The following TMEM70 variants were observed in gnomAD, a reference collection of about 807,000 sequenced individuals.
TMEM70 encodes the protein transmembrane protein 70, mitochondrial.
In TMEM70, 15 loss-of-function variants were observed where a neutral mutation model predicts 20.5. That is an observed-to-expected ratio of 0.73 (90% CI 0.49 to 1.13). The LOEUF is 1.13. Among genes scored for constraint, TMEM70 ranks in the 50% most tolerant of loss-of-function variants. TMEM70 has a pLI of 0.00. For synonymous variants in TMEM70, 141 were observed against 134.2 expected, an observed-to-expected ratio of 1.05 and a Z score of -0.35; for missense variants, 344 against 331.7, an observed-to-expected ratio of 1.04 and a Z score of -0.29.
Position 73,976,471 on chromosome 8 carries a change from C to A in TMEM70, c.190C>A (p.Arg64=). ...TGPSGAARLL[R]RPGRAQIPVY... Reference sequence around the variant, plus strand: ...GCCTTCGGGAGCCGCGCGCCTTCTCCGGCGTCCGGGTCGAGCGCAGGTAGG... The same window carrying A: ...GCCTTCGGGAGCCGCGCGCCTTCTCAGGCGTCCGGGTCGAGCGCAGGTAGG... Residue 64 remains arginine (R), a synonymous_variant, in exon 1 of 3, where the codon CGG becomes AGG. Transcript: ENST00000312184. 5 of 1,542,818 alleles carry A rather than the reference C, an allele frequency of 3.2e-6. No homozygotes were observed. The highest frequency in any genetic ancestry group is 3.5e-6 in the Non-Finnish European group (4 of 1,150,572).
At position 73,982,349 on chromosome 8, in the gene TMEM70, G is replaced by T; in HGVS notation, c.*728G>T. ...TTACGGTGAAGGTTCTAAGGCATGG[G>T]ATCGTTTCCAGATGAGAATCCACAA... On this transcript the variant is annotated 3_prime_UTR_variant, in exon 3 of 3. Coordinates refer to ENST00000312184, the MANE Select transcript of TMEM70 (RefSeq NM_017866.6). The T allele has an allele frequency of 1.4e-6, 1 of 705,402 alleles. No homozygotes were observed. The allele number at this position is 705,402 out of a possible 1,614,324, so 43.7% of individuals were successfully genotyped here.
intron 2 of TMEM70, 172 bp downstream of exon 2, chr8:73,979,033 C>A: frequency 1.2e-6 from 1 of 806,608 alleles, no homozygotes; most frequent in Non-Finnish European, 2.0e-6. Context: ...GAGACCTTTG[C>A]ATTTTTAGAT....
chr8:73,981,666 T>C lies in TMEM70; in HGVS notation c.*45T>C, dbSNP rs1383939961. On this transcript the variant is annotated 3_prime_UTR_variant, in exon 3 of 3. Transcript: ENST00000312184. The stretch of plus-strand genomic sequence containing the variant: ...TGCTCAAATGTGATTTACGTTTTAA[T>C]GTATAATAATAAAATTGCCTTTTGC... 2.9e-6 allele frequency: 4 copies of C among 1,367,654 alleles called. No homozygotes were observed. The highest frequency in any genetic ancestry group is 4.1e-6 in the Non-Finnish European group (4 of 972,512). 84.7% of individuals were successfully genotyped at this position (1,367,654 alleles called of 1,614,324 possible). A position where few individuals can be genotyped will look rare whatever the true frequency, so the allele number is the denominator to read the frequency against.
Position 73,981,209 on chromosome 8 carries a change from A to G in TMEM70, c.371A>G (p.Tyr124Cys), listed in dbSNP as rs1489913650. 2 of 1,614,168 alleles carry G rather than the reference A, an allele frequency of 1.2e-6. No homozygotes were observed. Among genetic ancestry groups the G allele is most frequent in the South Asian group, 2.2e-5 (2 of 91,088 alleles). The change falls in exon 3 of 3, where the codon TAC becomes TGC. Residue 124 changes from tyrosine to cysteine, a missense_variant. By Grantham distance (194) the Tyr-to-Cys change is radical (BLOSUM62 -2). Transcript: ENST00000312184. The part of the protein sequence containing the change: ...TSLIGLTFLP[Y>C]IFTQNNAISE... Reference sequence around the variant, plus strand: ...CTGATTGGCCTTACATTTCTGCCATACATTTTTACACAAAATAATGCTATT... The same window carrying G: ...CTGATTGGCCTTACATTTCTGCCATGCATTTTTACACAAAATAATGCTATT...
At chr8:73,978,497 C>A (rs1815707650) in intron 1 of TMEM70, among the ~76,000 whole-genome samples, 1 of 151,120 alleles carries the variant, frequency 6.6e-6, no homozygotes, top group African/African-American at 2.4e-5. Context: ...CAAGACCAGT[C>A]TGGCCAACAT....
At chr8:73,979,559 A>T (rs981961948) in intron 2 of TMEM70, among the ~76,000 whole-genome samples, 5 of 152,158 alleles carry the variant, frequency 3.3e-5, no homozygotes, top group African/African-American at 4.8e-5. Context: ...TAAACATAAA[A>T]TTTTTCACTT....
chr8:73,977,124 C>G (rs139503953), intron 1 of TMEM70, among the ~76,000 whole-genome samples: 5 of 152,288 alleles, frequency 3.3e-5, no homozygotes, highest in African/African-American at 1.2e-4. Context: ...AACTCATTTT[C>G]AGATGTATGG....
At chr8:73,979,116 C>T in intron 2 of TMEM70, 1 of 572,654 alleles carries the variant, frequency 1.7e-6, no homozygotes, top group Non-Finnish European at 3.3e-6. Context: ...TCACCATACT[C>T]TTCGCCTCCC....
chr8:73,976,516 C>T (rs1387664992), intron 1 of TMEM70, 25 bp downstream of exon 1: 1 of 1,494,574 alleles, frequency 6.7e-7, no homozygotes, highest in Admixed American at 2.1e-5. Context: ...GTCTGGTGTC[C>T]CAAGTGAGGC....
intron 2 of TMEM70, among the ~76,000 whole-genome samples, chr8:73,980,399 C>T (rs1285663490): frequency 3.0e-4 from 46 of 150,830 alleles, no homozygotes; most frequent in Non-Finnish European, 4.0e-4. Context: ...GATGGAGTCT[C>T]GCTTTGTCTC....
Position 73,982,012 on chromosome 8 carries a change from C to T in TMEM70, c.*391C>T, listed in dbSNP as rs527712848. ...ATTTTCTCTTTGAGGAAGACACAGT[C>T]ATAGGTGGTGCGGAGCTGTGGTCCA... is the stretch of plus-strand genomic sequence containing the variant. On this transcript the variant is annotated 3_prime_UTR_variant, in exon 3 of 3. Coordinates refer to ENST00000312184, the MANE Select transcript of TMEM70 (RefSeq NM_017866.6). 14 of 466,002 alleles carry T rather than the reference C, an allele frequency of 3.0e-5. No homozygotes were observed. The highest frequency in any genetic ancestry group is 2.2e-4 in the South Asian group (14 of 64,706). 28.9% of individuals were successfully genotyped at this position (466,002 alleles called of 1,614,324 possible).
At chr8:73,981,069 G>A (rs1451780748) in intron 2 of TMEM70, 86 bp from the exon 3 acceptor site, 2 of 1,142,818 alleles carry the variant, frequency 1.8e-6, no homozygotes. Flanking sequence ...GATACAGTAA[G>A]AAGAAAAATG....
At chr8:73,977,774 A>G (rs754979060) in intron 1 of TMEM70, among the ~76,000 whole-genome samples, 22 of 152,160 alleles carry the variant, frequency 1.4e-4, no homozygotes, top group Non-Finnish European at 2.2e-4. Flanking sequence ...AGCTGGGGCT[A>G]TAGACGTGTT....
chr8:73,982,667 G>C lies in TMEM70; in HGVS notation c.*1046G>C, dbSNP rs1815842756. The C allele has an allele frequency of 2.2e-6, 1 of 463,294 alleles. No individual in the cohort carries two copies. The highest frequency in any genetic ancestry group is 6.6e-5 in the East Asian group (1 of 15,120). 28.7% of individuals were successfully genotyped at this position (463,294 alleles called of 1,614,324 possible). A position where few individuals can be genotyped will look rare whatever the true frequency, so the allele number is the denominator to read the frequency against. ...GTTGAACTGGTGGTTAGCTATACGG[G>C]AAATGGTAAGTAGTGTTGTCTTCAG... On this transcript the variant is annotated 3_prime_UTR_variant, in exon 3 of 3. Transcript: ENST00000312184.
rs140061938 is a variant in TMEM70 at position 73,976,350 on chromosome 8, G to C, written c.69G>C (p.Leu23Phe). ...ELPLCGRRTA[L>F]CAAAALRGPR... ...CTCTCTGCGGAAGGAGGACTGCATT[G>C]TGTGCGGCCGCCGCGCTCCGAGGTC... The change falls in exon 1 of 3, where the codon TTG becomes TTC. Residue 23 changes from leucine to phenylalanine, a missense_variant. Transcript: ENST00000312184. 6.3e-7 allele frequency: 1 copy of C among 1,599,650 alleles called. No homozygotes were observed. Among genetic ancestry groups the C allele is most frequent in the South Asian group, 1.1e-5 (1 of 90,838 alleles).
chr8:73,981,586 A>G lies in TMEM70; in HGVS notation c.748A>G (p.Thr250Ala), dbSNP rs1053079. 0.17 allele frequency: 269,695 copies of G among 1,603,764 alleles called. 27,114 individuals are homozygous for G. Among genetic ancestry groups the G allele is most frequent in the African/African-American group, 0.37 (27,547 of 74,528 alleles). The change falls in exon 3 of 3, where the codon ACC becomes GCC. Residue 250 changes from threonine (T) to alanine (A), a missense_variant. Coordinates refer to ENST00000312184, the MANE Select transcript of TMEM70 (RefSeq NM_017866.6). ...KEEFILYMEE[T>A]SEEKRHKDDK ...AGAATTTATTTTGTATATGGAAGAA[A>G]CCAGTGAAGAGAAACGGCATAAAGA...
At position 73,981,481 on chromosome 8, in the gene TMEM70, A is replaced by G; in HGVS notation, c.643A>G (p.Lys215Glu). The change falls in exon 3 of 3, where the codon AAA (lysine) becomes GAA (glutamate). Residue 215 changes from lysine to glutamate, a missense_variant. By Grantham distance (56) the Lys-to-Glu change is moderately conservative. Coordinates refer to ENST00000312184, the MANE Select transcript of TMEM70 (RefSeq NM_017866.6). ...ACATGTATTTACCACATTTTATGCT[A>G]AAACAAAATCACTGTTAGTTAATCC... ...AKHVFTTFYA[K>E]TKSLLVNPVL... 1 of 1,614,178 alleles carries G rather than the reference A, an allele frequency of 6.2e-7. No individual in the cohort carries two copies. The highest frequency in any genetic ancestry group is 8.5e-7 in the Non-Finnish European group (1 of 1,180,000).
intron 1 of TMEM70, 88 bp downstream of exon 1, chr8:73,976,579 C>A (rs1404455488): frequency 7.7e-7 from 1 of 1,304,300 alleles, no homozygotes; most frequent in Non-Finnish European, 1.0e-6. Flanking sequence ...CTCTTCGCGA[C>A]CTCTCCCAGG....
rs1319885761 is a variant in TMEM70, at chr8:73,981,695, C to T, written c.*74C>T. 1.1e-6 allele frequency: 1 copy of T among 948,024 alleles called. No homozygotes were observed. The highest frequency in any genetic ancestry group is 1.6e-5 in the African/African-American group (1 of 60,626). The allele number at this position is 948,024 out of a possible 1,614,324, so 58.7% of individuals were successfully genotyped here. A position where few individuals can be genotyped will look rare whatever the true frequency, so the allele number is the denominator to read the frequency against. The stretch of plus-strand genomic sequence containing the variant: ...TAATAATAAAATTGCCTTTTGCATT[C>T]CGTTAGTGACTGATTGTTAAAAATA... On this transcript the variant is annotated 3_prime_UTR_variant, in exon 3 of 3. Coordinates refer to ENST00000312184, the MANE Select transcript of TMEM70 (RefSeq NM_017866.6).
Sources: allele counts gnomAD v4.1 joint callset (sites outside exome capture counted in the v4.1 genomes callset), GRCh38; gene constraint gnomAD v4.1.1; transcripts MANE v1.5; gene names NCBI Gene and HGNC (gene_info 2026-07-23, HGNC 2026-07-21).